TELO2: variants seen among roughly 807,000 people sequenced by gnomAD.
The protein encoded by TELO2 is telomere length regulation protein TEL2 homolog.
TELO2 carries 71 observed loss-of-function variants against 91.0 expected under a neutral mutation model. That is an observed-to-expected ratio of 0.78 (90% CI 0.64 to 0.95). The LOEUF is 0.95. Among genes scored for constraint, TELO2 ranks in the 40% least tolerant of loss-of-function variants. The pLI is 0.00. For synonymous variants in TELO2, 584 were observed against 518.9 expected (o/e 1.13, Z -1.71); for missense variants, 1,183 against 1,141.3 (o/e 1.04, Z -0.53).
chr16:1,506,858 T>C, intron 17 of TELO2, 94 bp from the exon 18 acceptor site: 1 of 1,456,944 alleles, frequency 6.9e-7, no homozygotes, highest in Non-Finnish European at 9.0e-7. Flanking sequence ...GGAGGGGCTG[T>C]GTGGGGCTCC....
intron 2 of TELO2, 92 bp from the exon 3 acceptor site, chr16:1,495,254 C>A: frequency 6.9e-7 from 1 of 1,454,096 alleles, no homozygotes; most frequent in Non-Finnish European, 9.1e-7. Context: ...GTTGGGGCTG[C>A]CCGTGTAATC....
Position 1,501,746 on chromosome 16 carries a change from T to C in TELO2, c.1445T>C (p.Leu482Pro). Reference sequence around the variant, plus strand: ...GATGGCGGCGTCCCCCAAGCACAGCTGGCGGGCTCTGACTCGGACCTGGAC... The same window carrying C: ...GATGGCGGCGTCCCCCAAGCACAGCCGGCGGGCTCTGACTCGGACCTGGAC... ...IVDGGVPQAQ[L>P]AGSDSDLDSD... is the part of the protein sequence containing the mutation. The change falls in exon 11 of 21, where the codon CTG becomes CCG. Residue 482 changes from leucine (L) to proline (P), a missense_variant. By Grantham distance (98) the Leu-to-Pro change is moderately conservative. Coordinates refer to ENST00000262319, the MANE Select transcript of TELO2 (RefSeq NM_016111.4). 6.2e-7 allele frequency: 1 copy of C among 1,610,652 alleles called. No homozygotes were observed. The highest frequency in any genetic ancestry group is 8.5e-7 in the Non-Finnish European group (1 of 1,179,818).
At chr16:1,500,778 A>C in intron 9 of TELO2, 79 bp downstream of exon 9, 1 of 1,555,516 alleles carries the variant, frequency 6.4e-7, no homozygotes, top group Non-Finnish European at 8.7e-7. Flanking sequence ...CCCCAGGGTC[A>C]CCGCCTCTTC....
intron 15 of TELO2, 23 bp downstream of exon 15, chr16:1,503,025 TCC>T: frequency 6.2e-7 from 1 of 1,606,954 alleles, no homozygotes; most frequent in African/African-American, 1.3e-5. Flanking sequence ...TGGGCCTCAG[TCC>T]CCCTGGTCTG....
Position 1,500,383 on chromosome 16 carries a change from A to G in TELO2, c.1039A>G (p.Ser347Gly). ...KELLETWGSS[S>G]AIRHTPLPQQ... is the part of the protein sequence containing the mutation. ...GCTGTTGGAGACGTGGGGCAGCAGCAGTGCCATCCGCCACACTCCCCTGCC... is the reference window on the plus strand; with the variant it reads ...GCTGTTGGAGACGTGGGGCAGCAGCGGTGCCATCCGCCACACTCCCCTGCC... The change falls in exon 8 of 21, where the codon AGT (serine) becomes GGT (glycine). Residue 347 changes from serine to glycine, a missense_variant. Physicochemically the swap from Ser to Gly is moderately conservative, Grantham distance 56 (BLOSUM62 0). Transcript: ENST00000262319. 1.3e-6 allele frequency: 2 copies of G among 1,597,806 alleles called. No individual in the cohort carries two copies. Among genetic ancestry groups the G allele is most frequent in the Admixed American group, 1.7e-5 (1 of 57,386 alleles).
At chr16:1,498,301 C>G (rs2039563498) in intron 5 of TELO2, among the ~76,000 whole-genome samples, 1 of 152,200 alleles carries the variant, frequency 6.6e-6, no homozygotes, top group South Asian at 2.1e-4. Context: ...AGGCGTGAGC[C>G]CCTGCACCCG....
At chr16:1,500,283 T>C (rs1041929063) in intron 7 of TELO2, 64 bp from the exon 8 acceptor site, 5 of 1,535,664 alleles carry the variant, frequency 3.3e-6, no homozygotes, top group Non-Finnish European at 4.4e-6. Context: ...TCAGAGTGGC[T>C]GTGGGCCTGG....
intron 3 of TELO2, among the ~76,000 whole-genome samples, chr16:1,495,965 G>T (rs2141019046): frequency 6.6e-6 from 1 of 152,294 alleles, no homozygotes; most frequent in South Asian, 2.1e-4. Context: ...GAACGGCCTT[G>T]CCCGCTGCTG....
At chr16:1,500,198 C>T in intron 7 of TELO2, 34 bp downstream of exon 7, 20 of 1,580,092 alleles carry the variant, frequency 1.3e-5, no homozygotes, top group Non-Finnish European at 1.7e-5. Flanking sequence ...CCCTGCGAGG[C>T]CCTGGGAGAA....
In TELO2 at chr16:1,509,838, G is replaced by A. The variant is rs2040069042; in HGVS notation, c.2416G>A (p.Glu806Lys). 7 of 1,611,692 alleles carry A rather than the reference G, an allele frequency of 4.3e-6. No individual in the cohort carries two copies. The highest frequency in any genetic ancestry group is 5.1e-6 in the Non-Finnish European group (6 of 1,179,524). ...TCACTCTCGTCTGGCAGACGTGGCT[G>A]AGAAAGACCCGGACGAGGACTGCAG... The part of the protein sequence containing the change: ...EARSWLADVA[E>K]KDPDEDCRTL... The change falls in exon 21 of 21, where the codon GAG (glutamate) becomes AAG (lysine). Residue 806 changes from glutamate to lysine, a missense_variant. Transcript: ENST00000262319.
rs372749113 is a variant in TELO2 at position 1,506,122 on chromosome 16, G to A, written c.2035-116G>A. 401 of 1,151,394 alleles carry A rather than the reference G, an allele frequency of 3.5e-4. 2 individuals are homozygous for A. Among genetic ancestry groups the A allele is most frequent in the African/African-American group, 5.4e-4 (36 of 66,482 alleles). 71.3% of individuals were successfully genotyped at this position (1,151,394 alleles called of 1,614,324 possible). ...CTGGGCGGGGCCGGAAGAGTAGCCC[G>A]GGGAGGCAAGGCGAGGCTGAGGTCC... On this transcript the variant is annotated intron_variant, in intron 16 of 20. Transcript: ENST00000262319.
At position 1,506,847 on chromosome 16, in the gene TELO2, A is replaced by G. The variant is rs2141068408; in HGVS notation, c.2127-105A>G. On this transcript the variant is annotated intron_variant, in intron 17 of 20. Transcript: ENST00000262319. ...GTGCAGGCAAGGCGGTGGGCACGGG[A>G]GGAGGGGCTGTGTGGGGCTCCCTCG... The G allele has an allele frequency of 3.5e-6, 5 of 1,444,734 alleles. No homozygotes were observed. The South Asian group carries it at 7.2e-5, about 21-fold the overall frequency. The allele number at this position is 1,444,734 out of a possible 1,614,324, so 89.5% of individuals were successfully genotyped here.
Position 1,494,112 on chromosome 16 carries a change from G to A in TELO2, c.-36-134G>A. 1 of 624,898 alleles carries A rather than the reference G, an allele frequency of 1.6e-6. No homozygotes were observed. The highest frequency in any genetic ancestry group is 2.8e-6 in the Non-Finnish European group (1 of 359,202). The allele number at this position is 624,898 out of a possible 1,614,324, so 38.7% of individuals were successfully genotyped here. A position where few individuals can be genotyped will look rare whatever the true frequency, so the allele number is the denominator to read the frequency against. The stretch of plus-strand genomic sequence containing the variant: ...GGGTGGAAACCGGCAGGCACTGGAG[G>A]GGAAGGAGGCGGGACAGGGTTGGGT... On this transcript the variant is annotated intron_variant, in intron 1 of 20. Coordinates refer to ENST00000262319, the MANE Select transcript of TELO2 (RefSeq NM_016111.4). This position sits in a 1 kb window ranked among gnomAD's most constrained non-coding sequence, Gnocchi z 5.6.
chr16:1,509,612 G>A (rs1041037472), intron 20 of TELO2, among the ~76,000 whole-genome samples: 4 of 152,234 alleles, frequency 2.6e-5, no homozygotes, highest in African/African-American at 4.8e-5. Flanking sequence ...CCTGTCCCGC[G>A]GCTCAGGGCA....
chr16:1,509,774 AG>A, intron 20 of TELO2, 55 bp from the exon 21 acceptor site: 1 of 1,490,448 alleles, frequency 6.7e-7, no homozygotes, highest in Middle Eastern at 1.7e-4. Flanking sequence ...AGACAGGAGG[AG>A]GGAGAATACG....
At position 1,500,655 on chromosome 16, in the gene TELO2, G is replaced by A. The variant is rs368533684; in HGVS notation, c.1237G>A (p.Val413Ile). The A allele has an allele frequency of 8.1e-6, 13 of 1,612,588 alleles. No homozygotes were observed. Among genetic ancestry groups the A allele is most frequent in the African/African-American group, 2.7e-5 (2 of 75,044 alleles). Residue 413 changes from valine to isoleucine, a missense_variant, in exon 9 of 21, where the codon GTT becomes ATT. Coordinates refer to ENST00000262319, the MANE Select transcript of TELO2 (RefSeq NM_016111.4). ...CCTGGGCATGATCGTGGCAGAGGTC[G>A]TTAGTGCCCGGATCCACCCCGAGGG... ...RRLGMIVAEV[V>I]SARIHPEGPP...
chr16:1,510,023 A>G lies in TELO2; in HGVS notation c.*87A>G. Reference sequence around the variant, plus strand: ...CTGGAGCAGCAGAGCCAGGCTTTGTAGCGAGGCCAGGTCTTCGGCCGCATC... The same window carrying G: ...CTGGAGCAGCAGAGCCAGGCTTTGTGGCGAGGCCAGGTCTTCGGCCGCATC... On this transcript the variant is annotated 3_prime_UTR_variant, in exon 21 of 21. Coordinates refer to ENST00000262319, the MANE Select transcript of TELO2 (RefSeq NM_016111.4). 8.1e-7 allele frequency: 1 copy of G among 1,228,182 alleles called. No individual in the cohort carries two copies. 76.1% of individuals were successfully genotyped at this position (1,228,182 alleles called of 1,614,324 possible).
In TELO2 at chr16:1,502,401, G is replaced by A. The variant is rs940333708; in HGVS notation, c.1650G>A (p.Arg550=). 3 of 1,594,882 alleles carry A rather than the reference G, an allele frequency of 1.9e-6. No homozygotes were observed. Among genetic ancestry groups the A allele is most frequent in the African/African-American group, 2.7e-5 (2 of 74,730 alleles). ...TCTACAGGAGCCCCACAGCCACTCG[G>A]GAGGTGAGTGGGGGGCGGGAGTGGG... ...GLVYRSPTAT[R]EVSVELAKVL... Residue 550 remains arginine (R), a synonymous_variant, in exon 13 of 21, where the codon CGG becomes CGA. Transcript: ENST00000262319.
intron 13 of TELO2, 119 bp from the exon 14 acceptor site, chr16:1,502,526 G>T: frequency 8.0e-6 from 12 of 1,494,746 alleles, no homozygotes; most frequent in Non-Finnish European, 1.0e-5. Flanking sequence ...TGCCTCTCCC[G>T]GGGGGCCTGC....
Sources: gnomAD v4.1 joint callset for allele counts (sites outside exome capture counted in the v4.1 genomes callset) on GRCh38, gnomAD v4.1.1 for gene constraint, Gnocchi (gnomAD v3.1) non-coding constraint, MANE v1.5 for transcripts, NCBI Gene and HGNC (gene_info 2026-07-23, HGNC 2026-07-21) for gene names.